Variants in MRGPRX1 observed in about 807,000 individuals in gnomAD.
The protein encoded by MRGPRX1 is mas-related G protein-coupled receptor member X1.
For synonymous variants in MRGPRX1, 208 were observed against 170.4 expected (o/e 1.22, Z -1.72); for missense variants, 411 against 393.8 (o/e 1.04, Z -0.37).
At chr11:18,934,852 T>G in intron 1 of MRGPRX1, 43 bp from the exon 2 acceptor site, 2 of 1,495,484 alleles carry the variant, frequency 1.3e-6, no homozygotes, top group Non-Finnish European at 1.8e-6. Flanking sequence ...GTATGATCTC[T>G]GATTCTCCCC....
Position 18,934,541 on chromosome 11 carries a change from A to G in MRGPRX1, c.244T>C (p.Tyr82His), listed in dbSNP as rs1377279992. ...ATACTGATGAAGCTTAACAGGGAATATATAAGGCGGCCGCTGAGGAAGAGG... is the reference window on the plus strand; with the variant it reads ...ATACTGATGAAGCTTAACAGGGAATGTATAAGGCGGCCGCTGAGGAAGAGG... ...DFLFLSGRLIYSLLSFISIPH... is the reference protein window; with the variant it reads ...DFLFLSGRLIHSLLSFISIPH... The change falls in exon 2 of 2, where the codon TAT (tyrosine) becomes CAT (histidine). Residue 82 changes from tyrosine (Y) to histidine (H), a missense_variant. Transcript: ENST00000526914. 6 of 1,610,140 alleles carry G rather than the reference A, an allele frequency of 3.7e-6. No individual in the cohort carries two copies. The African/African-American group carries it at 6.7e-5, about 18-fold the overall frequency.
At position 18,937,513 on chromosome 11, in the gene MRGPRX1, A is replaced by T. The variant is rs368805696; in HGVS notation, c.-26+1767T>A. Among the ~76,000 whole-genome samples the T allele has an allele frequency of 1.7e-3, 258 of 151,664 alleles. 3 individuals carry two copies. The highest frequency in any genetic ancestry group is 6.1e-3 in the African/African-American group (251 of 41,418). Reference sequence around the variant, plus strand: ...CACTTTCTCCCAGATACATTAAATCACTTCTAAGTTACTTAGAATAACTGA... The same window carrying T: ...CACTTTCTCCCAGATACATTAAATCTCTTCTAAGTTACTTAGAATAACTGA... On this transcript the variant is annotated intron_variant, in intron 1 of 1. Transcript: ENST00000526914.
At chr11:18,937,850 C>A (rs968671632) in intron 1 of MRGPRX1, among the ~76,000 whole-genome samples, 1 of 151,520 alleles carries the variant, frequency 6.6e-6, no homozygotes, top group African/African-American at 2.4e-5. Context: ...TGGATGAATG[C>A]AAACATTTCT....
intron 1 of MRGPRX1, among the ~76,000 whole-genome samples, chr11:18,935,571 GA>G (rs1393249811): frequency 1.8e-4 from 28 of 151,520 alleles, no homozygotes; most frequent in Non-Finnish European, 4.0e-4. Flanking sequence ...AATGATTGAT[GA>G]GTGCCCAAAA....
chr11:18,937,056 T>C lies in MRGPRX1; in HGVS notation c.-26+2224A>G, dbSNP rs193055841. Among the ~76,000 whole-genome samples the C allele has an allele frequency of 6.6e-4, 100 of 151,556 alleles. 3 individuals carry two copies. The highest frequency in any genetic ancestry group is 2.3e-3 in the African/African-American group (95 of 41,388). ...TTGGTCACATAAAAATTCTGAGAGT[T>C]TAAAAGCGGCACAAGGACCTACATT... On this transcript the variant is annotated intron_variant, in intron 1 of 1. Transcript: ENST00000526914.
At chr11:18,935,190 C>T (rs1848831369) in intron 1 of MRGPRX1, 1 of 175,256 alleles carries the variant, frequency 5.7e-6, no homozygotes, top group Admixed American at 5.7e-5. Flanking sequence ...GACTGATCAT[C>T]CATGGACAGG....
At position 18,934,605 on chromosome 11, in the gene MRGPRX1, G is replaced by C. The variant is rs778387872; in HGVS notation, c.180C>G (p.Ala60=). Reference sequence around the variant, plus strand: ...CCAAGTTGAGGATGTAGATGGAGAAGGCGTTCCTGCGCATGCGGCAGCCCA... The same window carrying C: ...CCAAGTTGAGGATGTAGATGGAGAACGCGTTCCTGCGCATGCGGCAGCCCA... ...WLLGCRMRRN[A]FSIYILNLAA... is the part of the protein sequence containing the mutation. Residue 60 remains alanine (A), a synonymous_variant, in exon 2 of 2, where the codon GCC becomes GCG. Transcript: ENST00000526914. 4.3e-6 allele frequency: 7 copies of C among 1,609,868 alleles called. No individual in the cohort carries two copies. The highest frequency in any genetic ancestry group is 3.3e-5 in the South Asian group (3 of 90,668).
chr11:18,937,814 A>C (rs1490414953), intron 1 of MRGPRX1, among the ~76,000 whole-genome samples: 1 of 151,480 alleles, frequency 6.6e-6, no homozygotes, highest in Non-Finnish European at 1.5e-5. Context: ...CTCTTTTTAA[A>C]ATTACATTTT....
In MRGPRX1 at chr11:18,934,207, C is replaced by A. The variant is rs140922847; in HGVS notation, c.578G>T (p.Gly193Val). The A allele has an allele frequency of 1.8e-3, 2,911 of 1,607,740 alleles. 128 individuals carry two copies. Among genetic ancestry groups the A allele is most frequent in the Admixed American group, 4.1e-3 (243 of 59,276 alleles). Residue 193 changes from glycine to valine, a missense_variant, in exon 2 of 2, where the codon GGG (glycine) becomes GTG (valine). Physicochemically the swap from Gly to Val is moderately radical, Grantham distance 109. Transcript: ENST00000526914. Reference sequence around the variant, plus strand: ...CCTGATCAGCAGGACCAGGCTGGACCCACAGAGAACCACACATAAAAAAAT... The same window carrying A: ...CCTGATCAGCAGGACCAGGCTGGACACACAGAGAACCACACATAAAAAAAT... Reference protein sequence around the residue: ...WLIFLCVVLCGSSLVLLIRIL... With the variant: ...WLIFLCVVLCVSSLVLLIRIL...
chr11:18,935,377 A>G (rs1391039022), intron 1 of MRGPRX1: 5 of 151,772 alleles, frequency 3.3e-5, no homozygotes. Flanking sequence ...TGTGCTTTTC[A>G]TATACATTCA....
intron 1 of MRGPRX1, among the ~76,000 whole-genome samples, chr11:18,938,764 G>A (rs1046253075): frequency 6.6e-6 from 1 of 151,392 alleles, no homozygotes; most frequent in African/African-American, 2.4e-5. Context: ...CCTCCCCTAT[G>A]TATTGTTGCT....
chr11:18,937,660 C>T (rs1042730336), intron 1 of MRGPRX1, among the ~76,000 whole-genome samples: 2 of 151,486 alleles, frequency 1.3e-5, no homozygotes, highest in African/African-American at 4.8e-5. Flanking sequence ...ATTTTTGGAA[C>T]AGTTTCCACC....
At position 18,933,766 on chromosome 11, in the gene MRGPRX1, C is replaced by T; in HGVS notation, c.*50G>A. 1 of 1,541,336 alleles carries T rather than the reference C, an allele frequency of 6.5e-7. No homozygotes were observed. Among genetic ancestry groups the T allele is most frequent in the Non-Finnish European group, 8.7e-7 (1 of 1,146,336 alleles). On this transcript the variant is annotated 3_prime_UTR_variant, in exon 2 of 2. Coordinates refer to ENST00000526914, the MANE Select transcript of MRGPRX1 (RefSeq NM_001393578.1). ...AAACGCATATAATTGTCAAGGGTGG[C>T]AGGGCAGTGTTGCTCTCAAAGTCCT...
intron 1 of MRGPRX1, among the ~76,000 whole-genome samples, chr11:18,937,651 T>A (rs1237671694): frequency 6.6e-6 from 1 of 151,470 alleles, no homozygotes; most frequent in East Asian, 1.9e-4. Flanking sequence ...CATACCCTTA[T>A]TTTTGGAACA....
At position 18,934,295 on chromosome 11, in the gene MRGPRX1, G is replaced by A; in HGVS notation, c.490C>T (p.Leu164=). The change falls in exon 2 of 2, where the codon CTG becomes TTG. Residue 164 remains leucine (L), a synonymous_variant. Coordinates refer to ENST00000526914, the MANE Select transcript of MRGPRX1 (RefSeq NM_001393578.1). The stretch of plus-strand genomic sequence containing the variant: ...CAAGCAGAATCAGCACCACTGAACA[G>A]GAAGCCACATAACATCCACTCCAGG... ...SILEWMLCGF[L]FSGADSAWCQ... The A allele has an allele frequency of 6.2e-7, 1 of 1,610,708 alleles. No homozygotes were observed. Among genetic ancestry groups the A allele is most frequent in the South Asian group, 1.1e-5 (1 of 90,804 alleles).
At chr11:18,935,878 C>T (rs1225354450) in intron 1 of MRGPRX1, among the ~76,000 whole-genome samples, 1 of 151,342 alleles carries the variant, frequency 6.6e-6, no homozygotes, top group African/African-American at 2.4e-5. Context: ...TTGATGCAAA[C>T]ATTTGTATGT....
chr11:18,936,492 C>T (rs1272614447), intron 1 of MRGPRX1, among the ~76,000 whole-genome samples: 4 of 151,276 alleles, frequency 2.6e-5, no homozygotes, highest in African/African-American at 9.7e-5. Context: ...AAAGAAGACT[C>T]ACCCTCCTCT....
At chr11:18,938,073 C>T (rs1226845916) in intron 1 of MRGPRX1, among the ~76,000 whole-genome samples, 1 of 151,488 alleles carries the variant, frequency 6.6e-6, no homozygotes, top group Non-Finnish European at 1.5e-5. Flanking sequence ...TTCTATGCAC[C>T]ACATCAGTGG....
At chr11:18,937,267 A>C (rs1354861747) in intron 1 of MRGPRX1, among the ~76,000 whole-genome samples, 1 of 151,222 alleles carries the variant, frequency 6.6e-6, no homozygotes, top group East Asian at 1.9e-4. Flanking sequence ...GATCACAGGT[A>C]TGAGGGCAAC....
Sources: allele counts gnomAD v4.1 joint callset (sites outside exome capture counted in the v4.1 genomes callset), GRCh38; gene constraint gnomAD v4.1.1; transcripts MANE v1.5; gene names NCBI Gene and HGNC (gene_info 2026-07-23, HGNC 2026-07-21).